The following OSBPL6 variants were observed in gnomAD, a reference collection of about 807,000 sequenced individuals.
OSBPL6 encodes oxysterol-binding protein-related protein 6.
In OSBPL6, 49 loss-of-function variants were observed where a neutral mutation model predicts 125.8. That is an observed-to-expected ratio of 0.39 (90% CI 0.31 to 0.49). OSBPL6 has a LOEUF of 0.49. Among genes scored for constraint, OSBPL6 ranks in the 20% least tolerant of loss-of-function variants. The pLI is 0.88. For synonymous variants in OSBPL6, 394 were observed against 391.8 expected (o/e 1.01, Z -0.07); for missense variants, 986 against 1,135.4 (o/e 0.87, Z 1.89).
chr2:178,221,050 A>G (rs1317138092), intron 1 of OSBPL6, among the ~76,000 whole-genome samples: 1 of 152,176 alleles, frequency 6.6e-6, no homozygotes, highest in East Asian at 1.9e-4. Flanking sequence ...TTGACTCTTC[A>G]GCCCATTGAG....
At chr2:178,264,228 G>A (rs934121734) in intron 1 of OSBPL6, among the ~76,000 whole-genome samples, 1 of 152,116 alleles carries the variant, frequency 6.6e-6, no homozygotes, top group Non-Finnish European at 1.5e-5. Context: ...TTGATTTGAA[G>A]CATCATTCTC....
chr2:178,342,371 T>TA (rs111644933), intron 11 of OSBPL6, among the ~76,000 whole-genome samples: 7,546 of 152,180 alleles, frequency 0.05, 238 homozygotes, highest in South Asian at 0.15. Flanking sequence ...TTGAAAAAAT[T>TA]TTAAATAGAT....
intron 1 of OSBPL6, among the ~76,000 whole-genome samples, chr2:178,249,005 C>T (rs544151008): frequency 1.1e-4 from 17 of 152,158 alleles, no homozygotes; most frequent in East Asian, 5.8e-4. Context: ...GGTGCCATCT[C>T]GGCTCACTGC....
chr2:178,392,848 G>A (rs1293375927), intron 23 of OSBPL6, among the ~76,000 whole-genome samples: 1 of 145,658 alleles, frequency 6.9e-6, no homozygotes, highest in Non-Finnish European at 1.5e-5. Context: ...GCAACAGAGA[G>A]AGACCCTGGC....
intron 1 of OSBPL6, among the ~76,000 whole-genome samples, chr2:178,267,944 G>A (rs2092284763): frequency 6.6e-6 from 1 of 152,178 alleles, no homozygotes. Context: ...ACCATGCGTG[G>A]TGGGCTTGCA....
At chr2:178,387,168 T>C in intron 20 of OSBPL6, 29 bp downstream of exon 20, 1 of 1,520,232 alleles carries the variant, frequency 6.6e-7, no homozygotes, top group Non-Finnish European at 9.1e-7. Context: ...CCTTTTGGCC[T>C]CTTGTCTGCT....
chr2:178,320,119 G>C (rs1263385844), intron 3 of OSBPL6: 3 of 719,024 alleles, frequency 4.2e-6, no homozygotes, highest in Non-Finnish European at 6.3e-6. Context: ...CTCTCATTTT[G>C]AGAATCACGT....
At chr2:178,368,804 C>G (rs1364984642) in intron 13 of OSBPL6, among the ~76,000 whole-genome samples, 2 of 146,278 alleles carry the variant, frequency 1.4e-5, no homozygotes, top group Admixed American at 1.4e-4. Flanking sequence ...AAAAAAAATC[C>G]TTTTTTTTTT....
At chr2:178,288,637 G>T (rs1421521388) in intron 2 of OSBPL6, among the ~76,000 whole-genome samples, 1 of 151,724 alleles carries the variant, frequency 6.6e-6, no homozygotes, top group South Asian at 2.1e-4. Context: ...GTAGGGAAAA[G>T]GGACTTTTTT....
intron 1 of OSBPL6, among the ~76,000 whole-genome samples, chr2:178,224,820 A>T (rs1247166550): frequency 1.3e-5 from 2 of 152,234 alleles, no homozygotes; most frequent in Non-Finnish European, 2.9e-5. Context: ...CTGTAGTCCC[A>T]GCTACTCAGG....
At chr2:178,258,608 T>A (rs903623151) in intron 1 of OSBPL6, among the ~76,000 whole-genome samples, 2 of 152,230 alleles carry the variant, frequency 1.3e-5, no homozygotes, top group African/African-American at 4.8e-5. Context: ...TTACCTATAC[T>A]GAAAGCACTA....
In OSBPL6 at chr2:178,372,142, C is replaced by T. The variant is rs1693447780; in HGVS notation, c.1304C>T (p.Ala435Val). The T allele has an allele frequency of 1.2e-6, 2 of 1,612,098 alleles. No individual in the cohort carries two copies. The highest frequency in any genetic ancestry group is 2.7e-5 in the African/African-American group (2 of 74,814). Residue 435 changes from alanine to valine, a missense_variant, in exon 14 of 25, where the codon GCT becomes GTT. Physicochemically the swap from Ala to Val is moderately conservative, Grantham distance 64. Around this residue, in one of 3 missense-constraint regions of OSBPL6, gnomAD observed 843 missense variants for 997.3 expected, o/e 0.85. Transcript: ENST00000190611. ...TATTTTAAGGCACTCAACCAGAATG[C>T]TGAACTAAGGAGTCGGTTGAACAGA... is the stretch of plus-strand genomic sequence containing the variant. ...QSLSQALNQNAELRSRLNRIH... is the reference protein window; with the variant it reads ...QSLSQALNQNVELRSRLNRIH...
At chr2:178,342,876 G>C (rs181422784) in intron 11 of OSBPL6, among the ~76,000 whole-genome samples, 128 of 152,276 alleles carry the variant, frequency 8.4e-4, no homozygotes, top group Non-Finnish European at 1.6e-3. Context: ...TTGCTCCTGT[G>C]TAGCTGTCCT....
chr2:178,316,791 T>G (rs941035543), intron 3 of OSBPL6, among the ~76,000 whole-genome samples: 1 of 152,184 alleles, frequency 6.6e-6, no homozygotes, highest in African/African-American at 2.4e-5. Context: ...ATGCAAATAC[T>G]ATGGCATTAT....
chr2:178,364,892 G>A (rs189926574), intron 13 of OSBPL6, among the ~76,000 whole-genome samples: 11 of 152,192 alleles, frequency 7.2e-5, no homozygotes, highest in Admixed American at 5.2e-4. Flanking sequence ...ACATTTAAAC[G>A]ACAGGCTGGC....
intron 3 of OSBPL6, among the ~76,000 whole-genome samples, chr2:178,323,341 A>G (rs140615853): frequency 1.4e-4 from 21 of 152,286 alleles, no homozygotes; most frequent in African/African-American, 4.8e-4. Context: ...TTATCTTGCT[A>G]ATATATAAAT....
chr2:178,227,850 G>A (rs1169171400), intron 1 of OSBPL6, among the ~76,000 whole-genome samples: 1 of 152,312 alleles, frequency 6.6e-6, no homozygotes. Context: ...AGTAGGGGGA[G>A]GCAGGAAGAT....
rs932029477 is a variant in OSBPL6, at chr2:178,398,114, G to A, written c.*2555G>A. The A allele has an allele frequency of 6.6e-6, 1 of 152,112 alleles. No homozygotes were observed. The highest frequency in any genetic ancestry group is 2.4e-5 in the African/African-American group (1 of 41,402). 9.4% of individuals were successfully genotyped at this position (152,112 alleles called of 1,614,324 possible). Reference sequence around the variant, plus strand: ...CCCTTTTTTACTTTTTATTGACATGGTGGTTATAAAATGAAGAGACTTACT... The same window carrying A: ...CCCTTTTTTACTTTTTATTGACATGATGGTTATAAAATGAAGAGACTTACT... On this transcript the variant is annotated 3_prime_UTR_variant, in exon 25 of 25. Coordinates refer to ENST00000190611, the MANE Select transcript of OSBPL6 (RefSeq NM_032523.4).
chr2:178,316,400 G>T (rs926109959), intron 3 of OSBPL6, among the ~76,000 whole-genome samples: 1 of 152,170 alleles, frequency 6.6e-6, no homozygotes, highest in African/African-American at 2.4e-5. Context: ...AAAAAAATTA[G>T]AAACAGTCTA....
Sources: allele counts gnomAD v4.1 joint callset (sites outside exome capture counted in the v4.1 genomes callset), GRCh38; gene constraint gnomAD v4.1.1; regional missense constraint gnomAD v4.1.1; transcripts MANE v1.5; gene names NCBI Gene and HGNC (gene_info 2026-07-23, HGNC 2026-07-21).